Variants in BHMT observed in about 807,000 individuals in gnomAD.
BHMT encodes betaine--homocysteine S-methyltransferase 1.
A neutral mutation model predicts 49.5 loss-of-function variants in BHMT; 38 were observed. The observed-to-expected ratio is 0.77, with a 90% CI of 0.59 to 1.01. BHMT has a LOEUF of 1.01. Among genes scored for constraint, BHMT ranks in the 50% least tolerant of loss-of-function variants. The pLI is 0.00. For synonymous variants in BHMT, 166 were observed against 176.3 expected (o/e 0.94, Z 0.46); for missense variants, 426 against 495.7 (o/e 0.86, Z 1.34).
In BHMT at chr5:79,126,163, C is replaced by T. The variant is rs890094553; in HGVS notation, c.743C>T (p.Pro248Leu). The change falls in exon 6 of 8, where the codon CCC becomes CTC. Residue 248 changes from proline to leucine, a missense_variant. Transcript: ENST00000274353. ...ARLKAHLMSQ[P>L]LAYHTPDCNK... ...CTGAAAGCTCACCTGATGAGCCAGC[C>T]CTTGGCTTACCACACTCCTGACTGC... The T allele has an allele frequency of 6.2e-7, 1 of 1,613,776 alleles. No individual in the cohort carries two copies. The highest frequency in any genetic ancestry group is 1.7e-5 in the Admixed American group (1 of 60,024).
intron 7 of BHMT, among the ~76,000 whole-genome samples, chr5:79,129,839 C>T: frequency 6.6e-6 from 1 of 152,054 alleles, no homozygotes; most frequent in East Asian, 1.9e-4. Flanking sequence ...ACTCCTATCC[C>T]AAATTTTCCC....
At chr5:79,129,857 A>C (rs1296709339) in intron 7 of BHMT, among the ~76,000 whole-genome samples, 1 of 152,100 alleles carries the variant, frequency 6.6e-6, no homozygotes, top group Non-Finnish European at 1.5e-5. Flanking sequence ...CCCTGTACAT[A>C]TATTAAAAGA....
intron 1 of BHMT, among the ~76,000 whole-genome samples, chr5:79,112,806 C>T (rs914100787): frequency 3.9e-5 from 6 of 151,984 alleles, no homozygotes; most frequent in Non-Finnish European, 8.8e-5. Flanking sequence ...ATTTGGGGAA[C>T]GGATGGATAG....
At position 79,130,981 on chromosome 5, in the gene BHMT, A is replaced by G. The variant is rs1407033620; in HGVS notation, c.1086A>G (p.Pro362=). The change falls in exon 8 of 8, where the codon CCA becomes CCG. Residue 362 remains proline, a synonymous_variant. Coordinates refer to ENST00000274353, the MANE Select transcript of BHMT (RefSeq NM_001713.3). ...ATCTTCGGATAGCCTCAGGCCGGCCATACAACCCTTCAATGTCAAAGCCAG... is the reference window on the plus strand; with the variant it reads ...ATCTTCGGATAGCCTCAGGCCGGCCGTACAACCCTTCAATGTCAAAGCCAG... ...WENLRIASGR[P]YNPSMSKPDG... is the part of the protein sequence containing the mutation. 1.9e-6 allele frequency: 3 copies of G among 1,614,072 alleles called. No homozygotes were observed. The highest frequency in any genetic ancestry group is 2.5e-6 in the Non-Finnish European group (3 of 1,180,012).
intron 5 of BHMT, among the ~76,000 whole-genome samples, chr5:79,122,391 C>T (rs976377405): frequency 1.4e-4 from 22 of 152,120 alleles, no homozygotes; most frequent in Non-Finnish European, 2.6e-4. Flanking sequence ...TTGGAAAACC[C>T]TGTGCTAAAT....
intron 2 of BHMT, among the ~76,000 whole-genome samples, chr5:79,116,648 G>A (rs1756389193): frequency 6.6e-6 from 1 of 152,168 alleles, no homozygotes; most frequent in Non-Finnish European, 1.5e-5. Flanking sequence ...AGAGTTTGCT[G>A]TGGAATTTTA....
chr5:79,119,561 A>C (rs1756436474), intron 3 of BHMT, 184 bp downstream of exon 3: 2 of 473,900 alleles, frequency 4.2e-6, no homozygotes, highest in East Asian at 6.7e-5. Flanking sequence ...ATTAACAAAG[A>C]GGCATTTAGC....
Position 79,115,718 on chromosome 5 carries a change from AT to A in BHMT, c.34-48del, listed in dbSNP as rs746363908. The A allele has an allele frequency of 4.0e-6, 6 of 1,509,350 alleles. No homozygotes were observed. In the Admixed American group the frequency reaches 1.3e-4, roughly 33 times the overall value. 93.5% of individuals were successfully genotyped at this position (1,509,350 alleles called of 1,614,324 possible). A position where few individuals can be genotyped will look rare whatever the true frequency, so the allele number is the denominator to read the frequency against. On this transcript the variant is annotated intron_variant, in intron 1 of 7. Coordinates refer to ENST00000274353, the MANE Select transcript of BHMT (RefSeq NM_001713.3). Reference sequence around the variant, plus strand: ...GCAAAAGTAATAAAAATAGAAAATTATCTTAAACACTCAAGTAACTCCTTTT... The same window carrying A: ...GCAAAAGTAATAAAAATAGAAAATTACTTAAACACTCAAGTAACTCCTTTT...
At chr5:79,119,198 C>T in intron 2 of BHMT, 61 bp from the exon 3 acceptor site, 1 of 1,282,500 alleles carries the variant, frequency 7.8e-7, no homozygotes, top group Non-Finnish European at 1.1e-6. Flanking sequence ...ATCTGAGAGC[C>T]ATTTGAAAAT....
At chr5:79,121,163 AAAAT>A in intron 4 of BHMT, 51 bp from the exon 5 acceptor site, 1 of 1,584,690 alleles carries the variant, frequency 6.3e-7, no homozygotes, top group Non-Finnish European at 8.6e-7. Flanking sequence ...AAAAAAAAAA[AAAAT>A]TGTTTTGGGA....
intron 3 of BHMT, among the ~76,000 whole-genome samples, chr5:79,120,001 A>G (rs1756442088): frequency 6.6e-6 from 1 of 152,208 alleles, no homozygotes; most frequent in Admixed American, 6.5e-5. Flanking sequence ...TCTCAATCAT[A>G]AAAGCAAATC....
intron 5 of BHMT, among the ~76,000 whole-genome samples, chr5:79,125,666 G>T (rs1756541802): frequency 2.6e-5 from 4 of 152,042 alleles, no homozygotes; most frequent in Admixed American, 2.6e-4. Context: ...TGCTGGGTGT[G>T]GTGGCTCATG....
intron 2 of BHMT, among the ~76,000 whole-genome samples, chr5:79,117,782 T>C (rs1756408669): frequency 6.6e-6 from 1 of 152,246 alleles, no homozygotes; most frequent in Non-Finnish European, 1.5e-5. Context: ...AATTTCAAAA[T>C]AATTTTCAGG....
chr5:79,113,570 C>G (rs1454446217), intron 1 of BHMT, among the ~76,000 whole-genome samples: 1 of 152,116 alleles, frequency 6.6e-6, no homozygotes, highest in Non-Finnish European at 1.5e-5. Context: ...TCATTATAAA[C>G]AATGAGGGAA....
chr5:79,124,942 A>T (rs1458378164), intron 5 of BHMT, among the ~76,000 whole-genome samples: 1 of 152,166 alleles, frequency 6.6e-6, no homozygotes, highest in African/African-American at 2.4e-5. Flanking sequence ...TTTCTAAATT[A>T]CATTCTGCTG....
At chr5:79,130,339 A>G (rs1251572726) in intron 7 of BHMT, among the ~76,000 whole-genome samples, 1 of 152,210 alleles carries the variant, frequency 6.6e-6, no homozygotes, top group African/African-American at 2.4e-5. Context: ...TTTTACATCA[A>G]AGGGCACCTT....
At chr5:79,115,997 C>T in intron 2 of BHMT, 98 bp downstream of exon 2, 1 of 1,395,206 alleles carries the variant, frequency 7.2e-7, no homozygotes, top group South Asian at 1.8e-5. Context: ...GTGGGAAGAC[C>T]ACTTGAGCCC....
Position 79,121,300 on chromosome 5 carries a change from T to C in BHMT, c.560T>C (p.Ile187Thr), listed in dbSNP as rs542592055. The C allele has an allele frequency of 1.2e-6, 2 of 1,614,092 alleles. No individual in the cohort carries two copies. Among genetic ancestry groups the C allele is most frequent in the Non-Finnish European group, 8.5e-7 (1 of 1,180,032 alleles). ...SGKPVAATMCIGPEGDLHGVP... is the reference protein window; with the variant it reads ...SGKPVAATMCTGPEGDLHGVP... ...AAACCTGTGGCAGCAACCATGTGCA[T>C]TGGCCCAGAAGGAGATTTGCATGGC... The change falls in exon 5 of 8, where the codon ATT becomes ACT. Residue 187 changes from isoleucine (I) to threonine (T), a missense_variant. Physicochemically the swap from Ile to Thr is moderately conservative, Grantham distance 89. Transcript: ENST00000274353.
chr5:79,130,930 C>A lies in BHMT; in HGVS notation c.1038-3C>A. ...TCTGGTGTCATGTGTTTTGTTCACACAGGGCCAGGAAGGAATACTGGGAGA... is the reference window on the plus strand; with the variant it reads ...TCTGGTGTCATGTGTTTTGTTCACAAAGGGCCAGGAAGGAATACTGGGAGA... On this transcript the variant is annotated splice_polypyrimidine_tract_variant and splice_region_variant and intron_variant, in intron 7 of 7. Transcript: ENST00000274353. The A allele has an allele frequency of 6.2e-7, 1 of 1,604,476 alleles. No individual in the cohort carries two copies. Among genetic ancestry groups the A allele is most frequent in the Non-Finnish European group, 8.5e-7 (1 of 1,175,002 alleles).
Sources: allele counts gnomAD v4.1 joint callset (sites outside exome capture counted in the v4.1 genomes callset), GRCh38; gene constraint gnomAD v4.1.1; transcripts MANE v1.5; gene names NCBI Gene and HGNC (gene_info 2026-07-23, HGNC 2026-07-21).